PPP1R1C: variants seen among roughly 807,000 people sequenced by gnomAD.
PPP1R1C encodes protein phosphatase 1 regulatory subunit 1C.
In PPP1R1C, 15 loss-of-function variants were observed where a neutral mutation model predicts 17.4. That is an observed-to-expected ratio of 0.86 (90% CI 0.58 to 1.33). The LOEUF is 1.33. Among genes scored for constraint, PPP1R1C ranks in the 40% most tolerant of loss-of-function variants. The probability of loss-of-function intolerance (pLI) is 0.00; values close to 1 mark genes in which losing one functional copy is unlikely to be tolerated. For synonymous variants in PPP1R1C, 35 were observed against 43.1 expected, an observed-to-expected ratio of 0.81 and a Z score of 0.73; for missense variants, 143 against 130.0, an observed-to-expected ratio of 1.10 and a Z score of -0.48.
chr2:181,960,257 A>AAATT (rs1298629981), intron 1 of PPP1R1C, among the ~76,000 whole-genome samples: 1 of 152,212 alleles, frequency 6.6e-6, no homozygotes, highest in African/African-American at 2.4e-5. Context: ...ATCTGCTTAT[A>AAATT]AATTACAGAA....
intron 2 of PPP1R1C, among the ~76,000 whole-genome samples, chr2:182,056,789 G>A (rs1183448881): frequency 6.6e-6 from 1 of 151,968 alleles, no homozygotes; most frequent in East Asian, 1.9e-4. Flanking sequence ...TTTTTAATTT[G>A]TCTTATACAT....
chr2:181,957,169 G>A lies in PPP1R1C; in HGVS notation n.111+2535G>A, dbSNP rs1261415597. Among the ~76,000 whole-genome samples the A allele has an allele frequency of 6.6e-6, 1 of 152,110 alleles. No individual in the cohort carries two copies. Among genetic ancestry groups the A allele is most frequent in the Non-Finnish European group, 1.5e-5 (1 of 68,026 alleles). The stretch of plus-strand genomic sequence containing the variant: ...GAGGTCAGGAGTTCGAGAACAGCCT[G>A]GCCAAAATGATGAAGCTCTGTCTCT... On this transcript the variant is annotated intron_variant and non_coding_transcript_variant, in intron 1 of 5. Transcript: ENST00000464264. This position sits in a 1 kb window ranked among gnomAD's most constrained non-coding sequence, Gnocchi z 4.2.
rs1370724912 is a variant in PPP1R1C, at chr2:181,962,903, G to GA, written n.111+8270dup. Among the ~76,000 whole-genome samples, 1 of 152,128 alleles carries GA rather than the reference G, an allele frequency of 6.6e-6. No individual in the cohort carries two copies. The highest frequency in any genetic ancestry group is 1.5e-5 in the Non-Finnish European group (1 of 68,022). ...TCTGCAGGACACATTTGAGAGGGGG[G>GA]ATCTCTGAAGTAGGAGTTCAGACAC... On this transcript the variant is annotated intron_variant and non_coding_transcript_variant, in intron 1 of 5. Coordinates refer to the PPP1R1C transcript ENST00000464264. This position sits in a 1 kb window ranked among gnomAD's most constrained non-coding sequence, Gnocchi z 6.0.
intron 2 of PPP1R1C, among the ~76,000 whole-genome samples, chr2:182,018,451 T>G (rs903301898): frequency 2.0e-5 from 3 of 152,334 alleles, no homozygotes; most frequent in African/African-American, 7.2e-5. Context: ...ATTGACTTCA[T>G]GGAAGAGTTG....
chr2:182,013,726 T>C (rs529803846), intron 2 of PPP1R1C, among the ~76,000 whole-genome samples: 2 of 152,292 alleles, frequency 1.3e-5, no homozygotes, highest in African/African-American at 4.8e-5. Context: ...TTATCTATTC[T>C]TTTTCTTTTG....
chr2:182,069,983 T>G (rs1409310455), intron 4 of PPP1R1C, among the ~76,000 whole-genome samples: 2 of 152,288 alleles, frequency 1.3e-5, no homozygotes, highest in Non-Finnish European at 2.9e-5. Flanking sequence ...GTGGGGTGGA[T>G]GCAGAGGTGA....
At chr2:181,986,873 G>A (rs1685312995) in intron 1 of PPP1R1C, among the ~76,000 whole-genome samples, 1 of 152,160 alleles carries the variant, frequency 6.6e-6, no homozygotes, top group African/African-American at 2.4e-5. Context: ...CTGCAACTGT[G>A]AGGAGGCAAA....
chr2:182,054,135 A>G (rs1687612750), intron 2 of PPP1R1C, among the ~76,000 whole-genome samples: 1 of 152,166 alleles, frequency 6.6e-6, no homozygotes, highest in Non-Finnish European at 1.5e-5. Context: ...CTCTTAAATT[A>G]TTTCCAATCT....
intron 2 of PPP1R1C, among the ~76,000 whole-genome samples, chr2:182,029,708 G>A (rs1333721263): frequency 3.0e-3 from 329 of 109,272 alleles, no homozygotes; most frequent in African/African-American, 0.011. Context: ...TGCTCTTCTC[G>A]AGGAGTATCT....
At chr2:182,075,806 TTTGGAGTTTCCTTTTGGGTTTCAA>T (rs1352709219) in intron 4 of PPP1R1C, among the ~76,000 whole-genome samples, 2 of 151,848 alleles carry the variant, frequency 1.3e-5, no homozygotes, top group East Asian at 3.8e-4. Context: ...CACTTCAAAT[TTTGGAGTTTCCTTTTGGGTTTCAA>T]TTGATAATCT....
upstream of PPP1R1C, among the ~76,000 whole-genome samples, chr2:181,984,309 C>T (rs1243972471): frequency 6.6e-6 from 1 of 152,098 alleles, no homozygotes; most frequent in African/African-American, 2.4e-5. Flanking sequence ...TCAAGGTTGC[C>T]AAGTGCATGT....
At chr2:182,120,417 A>C (rs182949200), downstream of PPP1R1C, among the ~76,000 whole-genome samples, 1,114 of 152,296 alleles carry the variant, frequency 7.3e-3, 9 homozygotes, top group Non-Finnish European at 0.012. Context: ...TAGCAAGACT[A>C]ATAAAGAAGA....
At chr2:181,980,850 T>C (rs1036663916) in intron 2 of PPP1R1C, among the ~76,000 whole-genome samples, 2 of 152,110 alleles carry the variant, frequency 1.3e-5, no homozygotes, top group African/African-American at 4.8e-5. Flanking sequence ...CTGATTGATA[T>C]GAGGATTCTA....
At chr2:182,118,488 A>G (rs1422964122), downstream of PPP1R1C, among the ~76,000 whole-genome samples, 1 of 152,174 alleles carries the variant, frequency 6.6e-6, no homozygotes, top group Non-Finnish European at 1.5e-5. Context: ...GATAAAAAAT[A>G]AAAAGATTTC....
At chr2:182,104,433 T>C (rs895693890) in intron 4 of PPP1R1C, among the ~76,000 whole-genome samples, 2 of 152,256 alleles carry the variant, frequency 1.3e-5, no homozygotes, top group African/African-American at 4.8e-5. Flanking sequence ...AAATACTTTT[T>C]CTGCACCTAT....
chr2:182,119,759 T>C (rs1689686134), downstream of PPP1R1C, among the ~76,000 whole-genome samples: 1 of 152,242 alleles, frequency 6.6e-6, no homozygotes, highest in Admixed American at 6.5e-5. Context: ...GGTTGTTTGT[T>C]TTTTTCTTGT....
downstream of PPP1R1C, among the ~76,000 whole-genome samples, chr2:182,120,805 T>A (rs533990991): frequency 7.2e-4 from 110 of 152,230 alleles, no homozygotes; most frequent in Middle Eastern, 6.8e-3. Flanking sequence ...TTTAGGGTAA[T>A]ATACAGTATA....
chr2:181,962,077 C>G lies in PPP1R1C; in HGVS notation n.111+7443C>G, dbSNP rs1574339976. Reference sequence around the variant, plus strand: ...TTGCGAAGATCTGAACCCTCAGGTCCTCGATGGTCTTGAGGTAATGACTCC... The same window carrying G: ...TTGCGAAGATCTGAACCCTCAGGTCGTCGATGGTCTTGAGGTAATGACTCC... On this transcript the variant is annotated intron_variant and non_coding_transcript_variant, in intron 1 of 5. Coordinates refer to the PPP1R1C transcript ENST00000464264. The surrounding 1 kb of genome is among the most constrained non-coding windows in gnomAD (Gnocchi z 6.0). 1.4e-6 allele frequency: 1 copy of G among 721,928 alleles called. No individual in the cohort carries two copies. Among genetic ancestry groups the G allele is most frequent in the East Asian group, 2.7e-5 (1 of 36,768 alleles). 44.7% of individuals were successfully genotyped at this position (721,928 alleles called of 1,614,324 possible).
At chr2:182,088,189 G>A (rs547250193) in intron 4 of PPP1R1C, among the ~76,000 whole-genome samples, 4 of 151,984 alleles carry the variant, frequency 2.6e-5, no homozygotes, top group Non-Finnish European at 4.4e-5. Flanking sequence ...AAAGATTTAC[G>A]GGTAGATCTC....
Sources: allele counts gnomAD v4.1 joint callset (sites outside exome capture counted in the v4.1 genomes callset), GRCh38; gene constraint gnomAD v4.1.1; non-coding constraint Gnocchi (gnomAD v3.1); transcripts MANE v1.5; gene names NCBI Gene and HGNC (gene_info 2026-07-23, HGNC 2026-07-21).